FAR2: variants seen among roughly 807,000 people sequenced by gnomAD.
FAR2 encodes fatty acyl-CoA reductase 2.
A neutral mutation model predicts 56.0 loss-of-function variants in FAR2; 19 were observed. The ratio of observed to expected loss-of-function variants is 0.34; its 90% CI spans 0.24 to 0.50. FAR2 has a LOEUF of 0.50. Among genes scored for constraint, FAR2 ranks in the 20% least tolerant of loss-of-function variants. FAR2 has a pLI of 0.98. For synonymous variants in FAR2, 219 were observed against 218.8 expected, an observed-to-expected ratio of 1.00 and a Z score of -0.01; for missense variants, 508 against 642.2, an observed-to-expected ratio of 0.79 and a Z score of 2.26.
chr12:29,220,141 G>T (rs1164393367), intron 1 of FAR2, among the ~76,000 whole-genome samples: 1 of 152,132 alleles, frequency 6.6e-6, no homozygotes, highest in Non-Finnish European at 1.5e-5. Flanking sequence ...GCTTTGCTTT[G>T]ACGTTCAAGG....
chr12:29,323,613 C>T (rs1480352177), intron 10 of FAR2, among the ~76,000 whole-genome samples: 2 of 152,190 alleles, frequency 1.3e-5, no homozygotes, highest in East Asian at 1.9e-4. Flanking sequence ...CTGCAGCCAC[C>T]GCTGCTGATA....
intron 2 of FAR2, among the ~76,000 whole-genome samples, chr12:29,281,730 C>T (rs1179216125): frequency 7.8e-6 from 1 of 127,446 alleles, no homozygotes; most frequent in African/African-American, 3.6e-5. Flanking sequence ...ATACATTAGG[C>T]ACAACATCAC....
chr12:29,301,647 A>G (rs924941516), intron 4 of FAR2: 3 of 152,172 alleles, frequency 2.0e-5, no homozygotes, highest in Non-Finnish European at 4.4e-5. Flanking sequence ...ACAAATATTT[A>G]TTGCTCTATT....
chr12:29,310,421 CATCTATATAACATCAGTG>C (rs2136787936), intron 6 of FAR2, among the ~76,000 whole-genome samples: 1 of 152,186 alleles, frequency 6.6e-6, no homozygotes, highest in East Asian at 1.9e-4. Context: ...CTAATTCTTG[CATCTATATAACATCAGTG>C]ATCTGTGAGG....
chr12:29,311,051 C>A lies in FAR2; in HGVS notation c.792C>A (p.Ala264=), dbSNP rs1949341520. ...IIATGKGFLR[A]IKATPMAVAD... Reference sequence around the variant, plus strand: ...AGACTGGGAAAGGGTTTCTTCGGGCCATAAAAGCTACTCCAATGGCTGTGG... The same window carrying A: ...AGACTGGGAAAGGGTTTCTTCGGGCAATAAAAGCTACTCCAATGGCTGTGG... Residue 264 remains alanine (A), a synonymous_variant, in exon 7 of 12, where the codon GCC becomes GCA. Transcript: ENST00000536681. 5.0e-6 allele frequency: 8 copies of A among 1,613,228 alleles called. No individual in the cohort carries two copies. The East Asian group carries it at 1.1e-4, about 22-fold the overall frequency.
chr12:29,192,871 G>C (rs1020259434), intron 1 of FAR2, among the ~76,000 whole-genome samples: 10 of 151,082 alleles, frequency 6.6e-5, no homozygotes, highest in African/African-American at 2.5e-4. Flanking sequence ...GAAAGCAAGA[G>C]ACTCAAAACA....
At chr12:29,321,412 G>GGC (rs1457961961) in intron 9 of FAR2, among the ~76,000 whole-genome samples, 1 of 152,090 alleles carries the variant, frequency 6.6e-6, no homozygotes, top group Non-Finnish European at 1.5e-5. Flanking sequence ...CTGGGTGACA[G>GGC]AGTAAGACCC....
chr12:29,282,551 G>A (rs1342693041), intron 2 of FAR2, among the ~76,000 whole-genome samples: 1 of 135,152 alleles, frequency 7.4e-6, no homozygotes, highest in Admixed American at 7.1e-5. Context: ...CTCACTGCAA[G>A]TACTACAGTG....
intron 1 of FAR2, among the ~76,000 whole-genome samples, chr12:29,246,150 G>T (rs1948124563): frequency 6.6e-6 from 1 of 151,786 alleles, no homozygotes; most frequent in African/African-American, 2.4e-5. Flanking sequence ...GATGCTTTGA[G>T]ATCTAACCCT....
chr12:29,312,227 C>A (rs1949364810), intron 8 of FAR2, among the ~76,000 whole-genome samples: 1 of 152,080 alleles, frequency 6.6e-6, no homozygotes. Flanking sequence ...CAAAAGTTGG[C>A]AGTTATAAAG....
At chr12:29,160,585 C>G (rs1040762959) in intron 1 of FAR2, among the ~76,000 whole-genome samples, 8 of 152,204 alleles carry the variant, frequency 5.3e-5, no homozygotes, top group African/African-American at 1.9e-4. Context: ...GCTGCTGTAA[C>G]AAAGTACCAC....
intron 3 of FAR2, 122 bp downstream of exon 3, chr12:29,293,597 C>G (rs1949009090): frequency 1.8e-5 from 15 of 842,786 alleles, no homozygotes; most frequent in Non-Finnish European, 2.5e-5. Context: ...AAGCAAAACT[C>G]CTCCAAAATC....
chr12:29,282,505 T>TC lies in FAR2; in HGVS notation c.190-10794dup, dbSNP rs1318672762. 4 of 152,196 alleles carry TC rather than the reference T, an allele frequency of 2.6e-5. No homozygotes were observed. The East Asian group carries it at 7.7e-4, about 29-fold the overall frequency. The allele number at this position is 152,196 out of a possible 1,614,324, so 9.4% of individuals were successfully genotyped here. On this transcript the variant is annotated intron_variant, in intron 2 of 11. Transcript: ENST00000536681. ...CCTGGTATAGCTTTTAAGCAATACA[T>TC]CTCTCCAGTCACACATAATAATGAA... is the stretch of plus-strand genomic sequence containing the variant.
At chr12:29,220,679 ATG>A (rs1244786736) in intron 1 of FAR2, among the ~76,000 whole-genome samples, 6 of 152,202 alleles carry the variant, frequency 3.9e-5, no homozygotes, top group African/African-American at 1.4e-4. Context: ...GCACCAAAGT[ATG>A]TTACCAGTGG....
intron 1 of FAR2, among the ~76,000 whole-genome samples, chr12:29,167,713 A>T (rs575009629): frequency 6.6e-6 from 1 of 152,212 alleles, no homozygotes. Flanking sequence ...TCATATAAAT[A>T]CTACAATCCA....
intron 1 of FAR2, among the ~76,000 whole-genome samples, chr12:29,219,454 T>C (rs78484051): frequency 9.1e-4 from 138 of 152,264 alleles, no homozygotes; most frequent in East Asian, 7.3e-3. Flanking sequence ...ACTTTCAATA[T>C]TGTTAAAGCA....
chr12:29,159,438 T>C (rs764054451), intron 1 of FAR2, among the ~76,000 whole-genome samples: 1 of 148,442 alleles, frequency 6.7e-6, no homozygotes, highest in Admixed American at 6.9e-5. Context: ...CTCGGGAGGC[T>C]GAGGCAGGAG....
chr12:29,286,349 C>T (rs1300543641), intron 2 of FAR2, among the ~76,000 whole-genome samples: 1 of 152,154 alleles, frequency 6.6e-6, no homozygotes, highest in African/African-American at 2.4e-5. Context: ...ATGCAGGTCT[C>T]TAATCTCTAA....
intron 8 of FAR2, among the ~76,000 whole-genome samples, chr12:29,312,779 T>C (rs1949375853): frequency 6.6e-6 from 1 of 152,164 alleles, no homozygotes; most frequent in Non-Finnish European, 1.5e-5. Flanking sequence ...TAATGCACAC[T>C]TTCTTTCCCT....
Sources: gnomAD v4.1 joint callset for allele counts (sites outside exome capture counted in the v4.1 genomes callset) on GRCh38, gnomAD v4.1.1 for gene constraint, MANE v1.5 for transcripts, NCBI Gene and HGNC (gene_info 2026-07-23, HGNC 2026-07-21) for gene names.